PTK2: variants seen among roughly 807,000 people sequenced by gnomAD.
PTK2 encodes the protein protein tyrosine kinase 2.
In PTK2, 45 loss-of-function variants were observed where a neutral mutation model predicts 150.1. That is an observed-to-expected ratio of 0.30 (90% confidence interval 0.24 to 0.38). The LOEUF is 0.38. Ranked by LOEUF, PTK2 falls within the 10% of genes least tolerant of loss-of-function variation. PTK2 has a pLI of 1.00. For synonymous variants in PTK2, 432 were observed against 449.2 expected (o/e 0.96, Z 0.48); for missense variants, 919 against 1,307.3 (o/e 0.70, Z 4.58).
At chr8:140,799,587 A>C (rs1450753295) in intron 12 of PTK2, among the ~76,000 whole-genome samples, 2 of 152,220 alleles carry the variant, frequency 1.3e-5, no homozygotes, top group Admixed American at 6.5e-5. Context: ...GTCTAGGCTG[A>C]TACAGTGTCA....
intron 1 of PTK2, among the ~76,000 whole-genome samples, chr8:140,985,352 T>C (rs1211578426): frequency 6.6e-6 from 1 of 152,064 alleles, no homozygotes; most frequent in African/African-American, 2.4e-5. Context: ...CTCAAACTCC[T>C]AGACTCAAGT....
At chr8:140,702,812 G>A (rs1435931644) in intron 24 of PTK2, 105 bp from the exon 28 acceptor site, 2 of 1,260,038 alleles carry the variant, frequency 1.6e-6, no homozygotes, top group Non-Finnish European at 1.1e-6. Context: ...GTGGTAGGCA[G>A]AATTATGGCC....
chr8:140,948,573 A>G (rs987447650), intron 1 of PTK2: 3 of 138,928 alleles, frequency 2.2e-5, no homozygotes, highest in African/African-American at 7.6e-5. Context: ...GATATGGGGA[A>G]TAACATAAAT....
chr8:140,972,352 C>A (rs2100187627), intron 1 of PTK2, among the ~76,000 whole-genome samples: 1 of 152,130 alleles, frequency 6.6e-6, no homozygotes, highest in African/African-American at 2.4e-5. Flanking sequence ...GCAACCTCCA[C>A]CTCCCAGGTT....
chr8:140,726,805 G>A (rs906026931), intron 22 of PTK2, among the ~76,000 whole-genome samples: 5 of 152,172 alleles, frequency 3.3e-5, no homozygotes, highest in Admixed American at 6.5e-5. Flanking sequence ...ATGGAGCACT[G>A]TACGAAGTTA....
chr8:140,982,561 T>A (rs1030906792), intron 1 of PTK2, among the ~76,000 whole-genome samples: 5 of 151,912 alleles, frequency 3.3e-5, no homozygotes, highest in Non-Finnish European at 7.4e-5. Context: ...AGCACCACTG[T>A]ACTCCAGCCT....
chr8:140,680,932 T>C (rs2100016556), intron 27 of PTK2, among the ~76,000 whole-genome samples: 1 of 152,174 alleles, frequency 6.6e-6, no homozygotes, highest in South Asian at 2.1e-4. Context: ...GTTTCACCCT[T>C]ATTAGGGTAA....
At chr8:140,854,453 G>C (rs1243233599) in intron 5 of PTK2, among the ~76,000 whole-genome samples, 1 of 152,138 alleles carries the variant, frequency 6.6e-6, no homozygotes, top group Non-Finnish European at 1.5e-5. Context: ...AAAGTTGTGA[G>C]AGAAAAAATA....
intron 3 of PTK2, among the ~76,000 whole-genome samples, chr8:140,883,909 C>T (rs1162427245): frequency 3.9e-5 from 6 of 152,006 alleles, no homozygotes; most frequent in Admixed American, 6.6e-5. Context: ...AAAATAAAGA[C>T]GTCAGCAGGG....
chr8:140,980,881 G>C (rs2100191151), intron 1 of PTK2, among the ~76,000 whole-genome samples: 1 of 149,066 alleles, frequency 6.7e-6, no homozygotes, highest in African/African-American at 2.5e-5. Context: ...CTCCTGAGTA[G>C]CCAGGATTAC....
chr8:140,905,457 A>C (rs1336827722), intron 2 of PTK2, among the ~76,000 whole-genome samples: 1 of 152,234 alleles, frequency 6.6e-6, no homozygotes, highest in Non-Finnish European at 1.5e-5. Flanking sequence ...TAAAGAGATC[A>C]ATGCAACAAG....
chr8:140,691,301 A>G (rs1411674157), intron 26 of PTK2, among the ~76,000 whole-genome samples: 2 of 152,168 alleles, frequency 1.3e-5, no homozygotes, highest in African/African-American at 2.4e-5. Context: ...TACTAAGTCA[A>G]AGAGTTTGAA....
At chr8:140,743,730 A>G (rs2100057055) in intron 19 of PTK2, among the ~76,000 whole-genome samples, 1 of 152,010 alleles carries the variant, frequency 6.6e-6, no homozygotes, top group Non-Finnish European at 1.5e-5. Context: ...AAAACTTGTA[A>G]ATGATTTTGC....
intron 22 of PTK2, chr8:140,732,447 G>T: frequency 2.3e-6 from 1 of 435,960 alleles, no homozygotes. Flanking sequence ...TTACCTCAGT[G>T]GAGCATTCCT....
At chr8:140,745,902 A>G (rs980435371) in intron 18 of PTK2, among the ~76,000 whole-genome samples, 3 of 151,500 alleles carry the variant, frequency 2.0e-5, no homozygotes, top group African/African-American at 7.3e-5. Context: ...CAGGAGGCTG[A>G]GGCAAGAGTA....
intron 26 of PTK2, among the ~76,000 whole-genome samples, chr8:140,699,098 C>G (rs2100028655): frequency 6.6e-6 from 1 of 151,752 alleles, no homozygotes; most frequent in Non-Finnish European, 1.5e-5. Flanking sequence ...TTTTTCCCAT[C>G]TGCCTTACAA....
At chr8:140,827,800 G>A (rs1440873644) in intron 8 of PTK2, among the ~76,000 whole-genome samples, 1 of 152,084 alleles carries the variant, frequency 6.6e-6, no homozygotes, top group Non-Finnish European at 1.5e-5. Flanking sequence ...AACAGATATT[G>A]TCTTTGCCCT....
At chr8:140,964,292 G>A (rs58247578) in intron 1 of PTK2, among the ~76,000 whole-genome samples, 3,663 of 152,136 alleles carry the variant, frequency 0.024, 154 homozygotes, top group African/African-American at 0.085. Context: ...AGTGAGGAGA[G>A]CCTAGCTCAC....
At chr8:140,693,581 A>AG (rs2100024514) in intron 26 of PTK2, among the ~76,000 whole-genome samples, 1 of 135,690 alleles carries the variant, frequency 7.4e-6, no homozygotes, top group African/African-American at 3.2e-5. Flanking sequence ...AAAAAAAAAA[A>AG]AAAAAAAAAA....
Sources: allele counts gnomAD v4.1 joint callset (sites outside exome capture counted in the v4.1 genomes callset), GRCh38; gene constraint gnomAD v4.1.1; transcripts MANE v1.5; gene names NCBI Gene and HGNC (gene_info 2026-07-23, HGNC 2026-07-21).